Variants in RPTOR observed in about 807,000 individuals in gnomAD.
RPTOR encodes regulatory associated protein of MTOR complex 1.
RPTOR carries 21 observed loss-of-function variants against 169.9 expected under a neutral mutation model. That is an observed-to-expected ratio of 0.12 (90% CI 0.09 to 0.18). The LOEUF (loss-of-function observed/expected upper bound fraction) is 0.18. RPTOR is among the 10% of genes least tolerant of loss of function. The pLI, the probability that RPTOR is intolerant of heterozygous loss-of-function variation, is 1.00. For synonymous variants in RPTOR, 732 were observed against 753.2 expected (o/e 0.97, Z 0.46); for missense variants, 1,133 against 1,855.9 (o/e 0.61, Z 7.16).
At chr17:80,702,952 T>C (rs577669031) in intron 3 of RPTOR, among the ~76,000 whole-genome samples, 7 of 152,118 alleles carry the variant, frequency 4.6e-5, no homozygotes, top group African/African-American at 1.7e-4. Flanking sequence ...ATGTAATAAG[T>C]GAGATGGAGC....
intron 28 of RPTOR, among the ~76,000 whole-genome samples, chr17:80,951,281 C>T (rs1332295595): frequency 6.6e-6 from 1 of 152,256 alleles, no homozygotes; most frequent in Non-Finnish European, 1.5e-5. Flanking sequence ...GTGGCCTGTG[C>T]TGCCCCACGG....
At position 80,633,869 on chromosome 17, in the gene RPTOR, C is replaced by T. The variant is rs1031826439; in HGVS notation, c.265+8076C>T. ...GAACCCATTGGGCCGGCTTCTTTGGCTTCTGTCTTGTTTGCATCATTCGTG... is the reference window on the plus strand; with the variant it reads ...GAACCCATTGGGCCGGCTTCTTTGGTTTCTGTCTTGTTTGCATCATTCGTG... On this transcript the variant is annotated intron_variant, in intron 2 of 33. Coordinates refer to ENST00000306801, the MANE Select transcript of RPTOR (RefSeq NM_020761.3). This position sits in a 1 kb window ranked among gnomAD's most constrained non-coding sequence, Gnocchi z 4.1. 2.6e-5 allele frequency among the ~76,000 whole-genome samples: 4 copies of T among 152,220 alleles called. No homozygotes were observed. Among genetic ancestry groups the T allele is most frequent in the Non-Finnish European group, 5.9e-5 (4 of 68,034 alleles).
intron 14 of RPTOR, among the ~76,000 whole-genome samples, chr17:80,881,628 G>A (rs1375018467): frequency 6.6e-6 from 1 of 152,214 alleles, no homozygotes; most frequent in Non-Finnish European, 1.5e-5. Flanking sequence ...AGACCAGCCT[G>A]GGCGACATGG....
intron 1 of RPTOR, among the ~76,000 whole-genome samples, chr17:80,605,501 C>G (rs966816082): frequency 2.0e-5 from 3 of 152,068 alleles, no homozygotes; most frequent in Non-Finnish European, 4.4e-5. Flanking sequence ...TTGAGGAAAC[C>G]GTGTCTCAGT....
At chr17:80,668,385 A>G (rs976402554) in intron 3 of RPTOR, among the ~76,000 whole-genome samples, 2 of 152,166 alleles carry the variant, frequency 1.3e-5, no homozygotes, top group Admixed American at 6.5e-5. Context: ...ACTTGAGGTC[A>G]TAGAGCAGGC....
intron 1 of RPTOR, among the ~76,000 whole-genome samples, chr17:80,582,594 G>A (rs1034381995): frequency 2.7e-5 from 4 of 148,136 alleles, no homozygotes; most frequent in Admixed American, 6.8e-5. Context: ...TGCCCAGGCT[G>A]GAGTGCAATG....
rs1450759694 is a variant in RPTOR, at chr17:80,961,430, G to A, written c.3642G>A (p.Val1214=). Residue 1214 remains valine (V), a synonymous_variant, in exon 31 of 34, where the codon GTG becomes GTA. Coordinates refer to ENST00000306801, the MANE Select transcript of RPTOR (RefSeq NM_020761.3). ...VMTYREHTAW[V]VKASLQKRPD... is the part of the protein sequence containing the mutation. Reference sequence around the variant, plus strand: ...CGTACCGGGAGCACACAGCCTGGGTGGTGAAGGCCTCCCTGCAGAAGCGTC... The same window carrying A: ...CGTACCGGGAGCACACAGCCTGGGTAGTGAAGGCCTCCCTGCAGAAGCGTC... 1.9e-6 allele frequency: 3 copies of A among 1,551,482 alleles called. No homozygotes were observed. Among genetic ancestry groups the A allele is most frequent in the East Asian group, 4.9e-5 (2 of 41,046 alleles).
chr17:80,846,388 G>A, intron 10 of RPTOR, 85 bp from the exon 11 acceptor site: 1 of 1,361,410 alleles, frequency 7.3e-7, no homozygotes, highest in Admixed American at 1.7e-5. Context: ...TGAAGGCTTG[G>A]ATGCCCGGCA....
At chr17:80,696,606 G>T (rs2066038719) in intron 3 of RPTOR, among the ~76,000 whole-genome samples, 1 of 152,240 alleles carries the variant, frequency 6.6e-6, no homozygotes, top group Non-Finnish European at 1.5e-5. Flanking sequence ...CCGGGGCAAG[G>T]CCGGCTGGTG....
At chr17:80,773,318 T>C (rs1337642643) in intron 6 of RPTOR, among the ~76,000 whole-genome samples, 1 of 152,244 alleles carries the variant, frequency 6.6e-6, no homozygotes, top group African/African-American at 2.4e-5. Context: ...ACAGAGACTC[T>C]GCAGTTGCAG....
Position 80,964,465 on chromosome 17 carries a change from C to A in RPTOR, c.*135C>A. 1.2e-6 allele frequency: 1 copy of A among 806,880 alleles called. No homozygotes were observed. The highest frequency in any genetic ancestry group is 2.1e-6 in the Non-Finnish European group (1 of 486,918). 50.0% of individuals were successfully genotyped at this position (806,880 alleles called of 1,614,324 possible). A position where few individuals can be genotyped will look rare whatever the true frequency, so the allele number is the denominator to read the frequency against. On this transcript the variant is annotated 3_prime_UTR_variant, in exon 34 of 34. Coordinates refer to ENST00000306801, the MANE Select transcript of RPTOR (RefSeq NM_020761.3). ...CTGCTGCCTTAGCTGCTGATGACGG[C>A]AGGAGGGCCCTGCTACTCGCTTTTG...
chr17:80,964,206 C>A, intron 33 of RPTOR, 56 bp from the exon 34 acceptor site: 2 of 1,263,822 alleles, frequency 1.6e-6, no homozygotes, highest in South Asian at 2.4e-5. Flanking sequence ...CCCCCCCGCC[C>A]CCCGCAGTGT....
At chr17:80,896,338 C>T (rs942808132) in intron 20 of RPTOR, among the ~76,000 whole-genome samples, 1 of 151,956 alleles carries the variant, frequency 6.6e-6, no homozygotes, top group Non-Finnish European at 1.5e-5. Context: ...ATCCCATCCA[C>T]GGCCGCGCCG....
At chr17:80,840,938 TCTCTG>T (rs1567942621) in intron 10 of RPTOR, among the ~76,000 whole-genome samples, 12 of 89,852 alleles carry the variant, frequency 1.3e-4, no homozygotes, top group Admixed American at 2.0e-4. Context: ...CAGCTCACTC[TCTCTG>T]CACCGCAGCT....
intron 9 of RPTOR, among the ~76,000 whole-genome samples, chr17:80,825,988 T>G (rs1598333277): frequency 6.6e-6 from 1 of 151,614 alleles, no homozygotes; most frequent in Non-Finnish European, 1.5e-5. Context: ...GGTGGAGGGG[T>G]GGGCGGAGAG....
intron 3 of RPTOR, among the ~76,000 whole-genome samples, chr17:80,668,986 C>A (rs537857567): frequency 6.6e-6 from 1 of 152,200 alleles, no homozygotes; most frequent in Non-Finnish European, 1.5e-5. Context: ...TGCTGCCTCC[C>A]GGGTGCTTCT....
intron 5 of RPTOR, among the ~76,000 whole-genome samples, chr17:80,750,882 A>T (rs2066623824): frequency 6.6e-6 from 1 of 152,202 alleles, no homozygotes; most frequent in Non-Finnish European, 1.5e-5. Flanking sequence ...GAAACAGTTA[A>T]CATGGCAAAT....
chr17:80,881,828 A>G (rs1189239127), intron 14 of RPTOR, among the ~76,000 whole-genome samples: 1 of 152,238 alleles, frequency 6.6e-6, no homozygotes, highest in Non-Finnish European at 1.5e-5. Flanking sequence ...TCTCCACTCA[A>G]TAAATAAATA....
chr17:80,907,707 C>T (rs1045915820), intron 20 of RPTOR, among the ~76,000 whole-genome samples: 1 of 152,248 alleles, frequency 6.6e-6, no homozygotes, highest in Non-Finnish European at 1.5e-5. Flanking sequence ...TGCAGGCTTC[C>T]GTCAGGTATC....
Sources: gnomAD v4.1 joint callset for allele counts (sites outside exome capture counted in the v4.1 genomes callset) on GRCh38, gnomAD v4.1.1 for gene constraint, Gnocchi (gnomAD v3.1) non-coding constraint, MANE v1.5 for transcripts, NCBI Gene and HGNC (gene_info 2026-07-23, HGNC 2026-07-21) for gene names.